The following PCDH7 variants were observed in gnomAD, a reference collection of about 807,000 sequenced individuals.
PCDH7 encodes protocadherin-7.
Under a neutral mutation model 58.9 loss-of-function variants are expected in PCDH7, and 17 were observed. The observed-to-expected ratio is 0.29, with a 90% CI of 0.20 to 0.43. The LOEUF (loss-of-function observed/expected upper bound fraction) is 0.43, where lower values mean the gene tolerates loss of function less well. Ranked by LOEUF, PCDH7 falls within the 20% of genes least tolerant of loss-of-function variation. PCDH7 has a pLI of 1.00. For synonymous variants in PCDH7, 664 were observed against 616.4 expected (o/e 1.08, Z -1.14); for missense variants, 1,274 against 1,441.0 (o/e 0.88, Z 1.88).
intron 3 of PCDH7, among the ~76,000 whole-genome samples, chr4:30,999,200 C>T (rs889238255): frequency 6.6e-6 from 1 of 152,104 alleles, no homozygotes; most frequent in Admixed American, 6.5e-5. Flanking sequence ...TAGTTAACTA[C>T]TTAGAGACCC....
At chr4:30,781,561 A>C (rs1722792758) in intron 1 of PCDH7, among the ~76,000 whole-genome samples, 1 of 149,686 alleles carries the variant, frequency 6.7e-6, no homozygotes, top group Admixed American at 6.6e-5. Flanking sequence ...TTTGAGACGA[A>C]GTTTCCCTCT....
chr4:31,052,969 T>C (rs1488769101), intron 3 of PCDH7, among the ~76,000 whole-genome samples: 1 of 152,188 alleles, frequency 6.6e-6, no homozygotes, highest in Non-Finnish European at 1.5e-5. Flanking sequence ...TGCTATGGTG[T>C]GACTGCTATC....
intron 3 of PCDH7, among the ~76,000 whole-genome samples, chr4:31,010,036 G>T (rs1753055709): frequency 6.6e-6 from 1 of 151,978 alleles, no homozygotes; most frequent in African/African-American, 2.4e-5. Context: ...GATTTCAACA[G>T]TTTTTTATGC....
intron 1 of PCDH7, among the ~76,000 whole-genome samples, chr4:30,888,542 ATTATT>A (rs1368258481): frequency 6.6e-6 from 1 of 152,220 alleles, no homozygotes; most frequent in Admixed American, 6.5e-5. Context: ...AACAGAACAA[ATTATT>A]TTATGTATGA....
At chr4:31,115,497 G>T (rs543350958) in intron 3 of PCDH7, among the ~76,000 whole-genome samples, 62 of 152,136 alleles carry the variant, frequency 4.1e-4, no homozygotes, top group African/African-American at 1.4e-3. Context: ...TTATTTTTCT[G>T]TGGATTGTAT....
In PCDH7 at chr4:30,768,155, A is replaced by C. The variant is rs985470396; in HGVS notation, c.70+43559A>C. ...TAAATGTATAGCTGCCATTACAATA[A>C]ATTTAATGTCATGCATCAATCAATT... is the stretch of plus-strand genomic sequence containing the variant. On this transcript the variant is annotated intron_variant, in intron 1 of 3. Coordinates refer to the PCDH7 transcript ENST00000509759. Among the ~76,000 whole-genome samples, 5 of 152,346 alleles carry C rather than the reference A, an allele frequency of 3.3e-5. No individual in the cohort carries two copies. In the East Asian group the frequency reaches 7.7e-4, roughly 23 times the overall value.
chr4:31,037,301 G>T (rs761349501), intron 3 of PCDH7, among the ~76,000 whole-genome samples: 1 of 152,104 alleles, frequency 6.6e-6, no homozygotes, highest in Non-Finnish European at 1.5e-5. Context: ...CCTAAAAATT[G>T]TGAATTAAAT....
At chr4:30,807,487 C>T (rs961171482) in intron 1 of PCDH7, among the ~76,000 whole-genome samples, 4 of 152,052 alleles carry the variant, frequency 2.6e-5, no homozygotes, top group Non-Finnish European at 5.9e-5. Flanking sequence ...GACAGCAGTA[C>T]GGATGAGGAT....
At chr4:30,808,434 T>C (rs987705646) in intron 1 of PCDH7, among the ~76,000 whole-genome samples, 9 of 152,170 alleles carry the variant, frequency 5.9e-5, no homozygotes, top group African/African-American at 2.2e-4. Flanking sequence ...CAAGATAACT[T>C]AGGCACAATT....
At chr4:31,011,991 T>G (rs1578557194) in intron 3 of PCDH7, among the ~76,000 whole-genome samples, 1 of 152,128 alleles carries the variant, frequency 6.6e-6, no homozygotes, top group East Asian at 1.9e-4. Context: ...GCTAAAAAAT[T>G]ACATACCCTA....
In PCDH7 at chr4:31,019,549, A is replaced by G. The variant is rs556956498; in HGVS notation, c.*7+69334A>G. Among the ~76,000 whole-genome samples, 88 of 152,122 alleles carry G rather than the reference A, an allele frequency of 5.8e-4. 1 individual carries two copies. Among genetic ancestry groups the G allele is most frequent in the Admixed American group, 2.2e-3 (33 of 15,290 alleles). ...GTCTCTACTAAAAATACCAAAAATT[A>G]TCCGGGTGTGGTGGTGGATGCCTGT... On this transcript the variant is annotated intron_variant, in intron 3 of 3. Transcript: ENST00000509759.
At chr4:30,884,785 G>A (rs1445671948) in intron 1 of PCDH7, 1 of 152,112 alleles carries the variant, frequency 6.6e-6, no homozygotes, top group Non-Finnish European at 1.5e-5. Context: ...TGTGGGGTGG[G>A]GTATTGAGGG....
At chr4:30,826,136 G>C (rs1729065197) in intron 1 of PCDH7, among the ~76,000 whole-genome samples, 1 of 152,126 alleles carries the variant, frequency 6.6e-6, no homozygotes, top group Non-Finnish European at 1.5e-5. Context: ...CAGATCATAA[G>C]TTCTATTCCA....
At chr4:30,831,364 A>T (rs538286647) in intron 1 of PCDH7, among the ~76,000 whole-genome samples, 1 of 152,180 alleles carries the variant, frequency 6.6e-6, no homozygotes, top group Non-Finnish European at 1.5e-5. Context: ...GGTTCAATTC[A>T]TAGTCTTGGC....
At chr4:31,019,864 G>A (rs1753896305) in intron 3 of PCDH7, among the ~76,000 whole-genome samples, 1 of 151,950 alleles carries the variant, frequency 6.6e-6, no homozygotes, top group African/African-American at 2.4e-5. Context: ...TGGAAGAATA[G>A]TACCTGGTAT....
At chr4:30,933,612 T>C (rs548527875) in intron 2 of PCDH7, among the ~76,000 whole-genome samples, 1 of 152,294 alleles carries the variant, frequency 6.6e-6, no homozygotes, top group South Asian at 2.1e-4. Flanking sequence ...CCACACTTCA[T>C]TTCTCTCCTT....
rs143294603 is a variant in PCDH7, at chr4:30,775,239, T to A, written c.70+50643T>A. On this transcript the variant is annotated intron_variant, in intron 1 of 3. Coordinates refer to the PCDH7 transcript ENST00000509759. ...TTTTGCTGAGACATGACTAGCTTTT[T>A]AAAGTAATGGAAGGAATTGTAAGTC... Among the ~76,000 whole-genome samples the A allele has an allele frequency of 8.7e-3, 1,320 of 152,300 alleles. 17 individuals are homozygous for A. The highest frequency in any genetic ancestry group is 0.03 in the African/African-American group (1,259 of 41,564).
At chr4:30,759,117 C>T (rs1560339682) in intron 1 of PCDH7, among the ~76,000 whole-genome samples, 1 of 151,460 alleles carries the variant, frequency 6.6e-6, no homozygotes, top group Non-Finnish European at 1.5e-5. Flanking sequence ...AATTTTTGTC[C>T]TTTTAGTAAA....
chr4:30,912,158 T>C (rs1741862470), intron 1 of PCDH7, among the ~76,000 whole-genome samples: 1 of 152,178 alleles, frequency 6.6e-6, no homozygotes, highest in African/African-American at 2.4e-5. Flanking sequence ...GAAAGGCAGT[T>C]TGAAGTATGG....
Sources: allele counts gnomAD v4.1 joint callset (sites outside exome capture counted in the v4.1 genomes callset), GRCh38; gene constraint gnomAD v4.1.1; transcripts MANE v1.5; gene names NCBI Gene and HGNC (gene_info 2026-07-23, HGNC 2026-07-21).